Variants in BAD observed in about 807,000 individuals in gnomAD.
BAD encodes the protein BCL2 associated agonist of cell death.
A neutral mutation model predicts 17.8 loss-of-function variants in BAD; 18 were observed. The observed-to-expected ratio is 1.01, with a 90% CI of 0.70 to 1.50. The LOEUF (loss-of-function observed/expected upper bound fraction) is 1.50. Ranked by LOEUF, BAD falls within the 40% of genes most tolerant of loss-of-function variation. BAD has a pLI of 0.00. For synonymous variants in BAD, 112 were observed against 91.5 expected (o/e 1.22, Z -1.28); for missense variants, 294 against 239.3 (o/e 1.23, Z -1.51).
At chr11:64,276,847 T>C (rs1296207476) in intron 2 of BAD, 2 of 728,910 alleles carry the variant, frequency 2.7e-6, no homozygotes, top group Non-Finnish European at 5.1e-6. Context: ...CGGAGCTGGG[T>C]GTGGAAGTGG....
chr11:64,282,968 C>G (rs1255066817), intron 2 of BAD, among the ~76,000 whole-genome samples: 1 of 149,482 alleles, frequency 6.7e-6, no homozygotes, highest in African/African-American at 2.6e-5. Context: ...GTGGGAGGAT[C>G]ACTTAAGCCC....
chr11:64,282,541 C>T (rs558850521), intron 2 of BAD, among the ~76,000 whole-genome samples: 1 of 149,666 alleles, frequency 6.7e-6, no homozygotes, highest in East Asian at 2.0e-4. Flanking sequence ...TTGAGGCCTG[C>T]CTGGGCAACA....
At position 64,275,345 on chromosome 11, in the gene BAD, G is replaced by A. The variant is rs547743366; in HGVS notation, c.188-3542C>T. ...TGTCTGCAGAGTAATTTCCAGTTCT[G>A]TGGTGCGGTGACTGTGGAGCAGGGG... On this transcript the variant is annotated intron_variant, in intron 2 of 3. Coordinates refer to ENST00000309032, the MANE Select transcript of BAD (RefSeq NM_032989.3). Among the ~76,000 whole-genome samples, 5 of 152,338 alleles carry A rather than the reference G, an allele frequency of 3.3e-5. No individual in the cohort carries two copies. The East Asian group carries it at 9.7e-4, about 29-fold the overall frequency.
At position 64,284,216 on chromosome 11, in the gene BAD, C is replaced by T. The variant is rs142604226; in HGVS notation, c.153G>A (p.Gln51=). ...GGCTGCTGCTGGTTGGCTGCTCCTG[C>T]TGGTGACTGGCGTCCCACAGGAGGC... ...APGLLWDASH[Q]QEQPTSSSHH... is the part of the protein sequence containing the mutation. Residue 51 remains glutamine, a synonymous_variant, in exon 2 of 4, where the codon CAG becomes CAA. Coordinates refer to ENST00000309032, the MANE Select transcript of BAD (RefSeq NM_032989.3). 18 of 1,604,192 alleles carry T rather than the reference C, an allele frequency of 1.1e-5. No individual in the cohort carries two copies. The African/African-American group carries it at 2.1e-4, about 19-fold the overall frequency.
intron 3 of BAD, 60 bp downstream of exon 3, chr11:64,271,553 C>G: frequency 7.3e-7 from 1 of 1,363,874 alleles, no homozygotes. Context: ...AAGGCAGGGA[C>G]AGACCGGCGG....
intron 2 of BAD, among the ~76,000 whole-genome samples, chr11:64,281,697 T>TCC (rs909762191): frequency 5.3e-5 from 8 of 151,814 alleles, no homozygotes; most frequent in Non-Finnish European, 8.8e-5. Context: ...CTACCATCAC[T>TCC]CCCCCCGCCC....
intron 2 of BAD, among the ~76,000 whole-genome samples, chr11:64,274,199 T>TG (rs1288693616): frequency 2.4e-4 from 36 of 149,748 alleles, no homozygotes; most frequent in Non-Finnish European, 3.4e-4. Context: ...GAGACCATCC[T>TG]AACACGGTGA....
chr11:64,280,159 C>T (rs560221362), intron 2 of BAD, among the ~76,000 whole-genome samples: 25 of 150,678 alleles, frequency 1.7e-4, no homozygotes, highest in Non-Finnish European at 3.0e-4. Flanking sequence ...CTACTAAAAA[C>T]ACACAAAAAA....
chr11:64,273,106 C>T lies in BAD; in HGVS notation c.188-1303G>A, dbSNP rs144831231. On this transcript the variant is annotated intron_variant, in intron 2 of 3. Coordinates refer to ENST00000309032, the MANE Select transcript of BAD (RefSeq NM_032989.3). ...AAAGAAGGCCAGACGTGGTGGCTCA[C>T]GCCAGTAATCCCAGCACTTTGGGAG... 3.1e-3 allele frequency among the ~76,000 whole-genome samples: 471 copies of T among 152,326 alleles called. 3 individuals are homozygous for T. The highest frequency in any genetic ancestry group is 9.5e-3 in the African/African-American group (396 of 41,562).
chr11:64,278,223 A>G (rs911840753), intron 2 of BAD, among the ~76,000 whole-genome samples: 1 of 151,988 alleles, frequency 6.6e-6, no homozygotes, highest in Non-Finnish European at 1.5e-5. Flanking sequence ...GAGCCCAGAA[A>G]TTTGAGGCTT....
chr11:64,284,675 C>T (rs1300025192), upstream of BAD: 73 of 1,535,462 alleles, frequency 4.8e-5, no homozygotes, highest in African/African-American at 9.6e-5. Flanking sequence ...TGCCGCCTCC[C>T]TCCAGCACCC....
chr11:64,282,988 G>T (rs573477088), intron 2 of BAD, among the ~76,000 whole-genome samples: 81 of 149,718 alleles, frequency 5.4e-4, no homozygotes, highest in Non-Finnish European at 9.3e-4. Flanking sequence ...CAGAAGTTCC[G>T]GGCTGCAGTG....
In BAD at chr11:64,280,237, G is replaced by A. The variant is rs1040699228; in HGVS notation, c.187+3945C>T. On this transcript the variant is annotated intron_variant, in intron 2 of 3. Transcript: ENST00000309032. The stretch of plus-strand genomic sequence containing the variant: ...CTGGAGGCTGAGGCAGGAGAATGGC[G>A]TGAACCCGGGAGGCAGAGCTTGCAG... Among the ~76,000 whole-genome samples, 17 of 150,240 alleles carry A rather than the reference G, an allele frequency of 1.1e-4. No individual in the cohort carries two copies. The South Asian group carries it at 1.9e-3, about 17-fold the overall frequency.
intron 2 of BAD, among the ~76,000 whole-genome samples, chr11:64,276,004 G>A (rs1215167754): frequency 6.6e-6 from 1 of 152,136 alleles, no homozygotes; most frequent in African/African-American, 2.4e-5. Context: ...AGCAGAGCTG[G>A]GATCCCAACC....
At chr11:64,278,965 C>T (rs1166626677) in intron 2 of BAD, among the ~76,000 whole-genome samples, 1 of 152,202 alleles carries the variant, frequency 6.6e-6, no homozygotes, top group Non-Finnish European at 1.5e-5. Flanking sequence ...TTAAGAAATC[C>T]AGCTCTGTCC....
chr11:64,273,209 C>T (rs2032770844), intron 2 of BAD, among the ~76,000 whole-genome samples: 1 of 152,062 alleles, frequency 6.6e-6, no homozygotes, highest in Admixed American at 6.5e-5. Flanking sequence ...TCCGTCTCTA[C>T]TAAAAATACA....
Position 64,284,423 on chromosome 11 carries a change from G to C in BAD, c.-8-47C>G, listed in dbSNP as rs773671122. On this transcript the variant is annotated intron_variant, in intron 1 of 3. Coordinates refer to ENST00000309032, the MANE Select transcript of BAD (RefSeq NM_032989.3). ...TAGTCAAGGCACAGCTGGGGCCAAC[G>C]GTGGCCCTGGAAGGCAGAGGCAGGT... 51 of 1,608,040 alleles carry C rather than the reference G, an allele frequency of 3.2e-5. No homozygotes were observed. In the Middle Eastern group the frequency reaches 8.2e-4, roughly 26 times the overall value.
In BAD at chr11:64,271,699, G is replaced by A; in HGVS notation, c.292C>T (p.Arg98Cys). ...GCCCAGAGGTTGGGGGGCGCCGAGC[G>A]CGAGCGGCCCCGAAAGGGGCTGGGC... ...EEPSPFRGRSRSAPPNLWAAQ... is the reference protein window; with the variant it reads ...EEPSPFRGRSCSAPPNLWAAQ... Residue 98 changes from arginine to cysteine, a missense_variant, in exon 3 of 4, where the codon CGC becomes TGC. By Grantham distance (180) the Arg-to-Cys change is radical. Transcript: ENST00000309032. 1 of 1,471,192 alleles carries A rather than the reference G, an allele frequency of 6.8e-7. No individual in the cohort carries two copies. Among genetic ancestry groups the A allele is most frequent in the Non-Finnish European group, 9.0e-7 (1 of 1,113,458 alleles). 91.1% of individuals were successfully genotyped at this position (1,471,192 alleles called of 1,614,324 possible). A position where few individuals can be genotyped will look rare whatever the true frequency, so the allele number is the denominator to read the frequency against.
At position 64,270,338 on chromosome 11, in the gene BAD, C is replaced by G; in HGVS notation, c.379-1G>C. The stretch of plus-strand genomic sequence containing the variant: ...CGCTCTTCGGGCGAGGAAGTCCCTT[C>G]TGGTGGAGGGAGAAAAGGGTTACAT... On this transcript the variant is annotated splice_acceptor_variant, in intron 3 of 3. Coordinates refer to ENST00000309032, the MANE Select transcript of BAD (RefSeq NM_032989.3). LOFTEE classifies it high-confidence loss of function. 6.5e-7 allele frequency: 1 copy of G among 1,549,428 alleles called. No homozygotes were observed. Among genetic ancestry groups the G allele is most frequent in the Non-Finnish European group, 8.7e-7 (1 of 1,144,276 alleles).
Sources: gnomAD v4.1 joint callset for allele counts (sites outside exome capture counted in the v4.1 genomes callset) on GRCh38, gnomAD v4.1.1 for gene constraint, MANE v1.5 for transcripts, NCBI Gene and HGNC (gene_info 2026-07-23, HGNC 2026-07-21) for gene names.